Variants in ATCAY observed in about 807,000 individuals in gnomAD.
ATCAY encodes caytaxin.
Under a neutral mutation model 47.7 loss-of-function variants are expected in ATCAY, and 22 were observed. The observed-to-expected ratio is 0.46, with a 90% CI of 0.33 to 0.66. The LOEUF (loss-of-function observed/expected upper bound fraction) is 0.66. Ranked by LOEUF, ATCAY falls within the 30% of genes least tolerant of loss-of-function variation. The pLI, the probability that ATCAY is intolerant of heterozygous loss-of-function variation, is 0.02. For missense variants in ATCAY, 452 were observed against 515.0 expected (o/e 0.88, Z 1.18); for synonymous variants, 216 against 207.6 (o/e 1.04, Z -0.35).
At chr19:3,921,429 C>G (rs925618687) in intron 12 of ATCAY, among the ~76,000 whole-genome samples, 3 of 148,476 alleles carry the variant, frequency 2.0e-5, no homozygotes, top group African/African-American at 7.5e-5. Context: ...GACTTTGTCT[C>G]AAAAAAAGAA....
At chr19:3,886,368 G>T (rs184507519) in intron 2 of ATCAY, among the ~76,000 whole-genome samples, 1 of 152,052 alleles carries the variant, frequency 6.6e-6, no homozygotes, top group Non-Finnish European at 1.5e-5. Flanking sequence ...CGAGGCGGGC[G>T]GATCATGAGG....
At position 3,888,601 on chromosome 19, in the gene ATCAY, G is replaced by T. The variant is rs546286151; in HGVS notation, c.77+2757G>T. Among the ~76,000 whole-genome samples the T allele has an allele frequency of 3.3e-5, 5 of 152,234 alleles. 1 individual carries two copies. In the South Asian group the frequency reaches 1.0e-3, roughly 32 times the overall value. ...GCCGAGATCGCGCCACTGGACTCCA[G>T]CCCGGGCAGTAGAGTGAGTGAGAGT... On this transcript the variant is annotated intron_variant, in intron 2 of 12. Transcript: ENST00000450849.
At position 3,918,865 on chromosome 19, in the gene ATCAY, C is replaced by G; in HGVS notation, c.1061C>G (p.Pro354Arg). Residue 354 changes from proline to arginine, a missense_variant, in exon 11 of 13, where the codon CCA (proline) becomes CGA (arginine). Pro to Arg is a moderately radical substitution (Grantham distance 103). Coordinates refer to ENST00000450849, the MANE Select transcript of ATCAY (RefSeq NM_033064.5). ...PRSEEKPEVA[P>R]VENRSALVSE... is the part of the protein sequence containing the mutation. Reference sequence around the variant, plus strand: ...TCTGAAGAGAAGCCAGAGGTGGCACCAGTGGAAAACAGGTAGGTGTGCAGG... The same window carrying G: ...TCTGAAGAGAAGCCAGAGGTGGCACGAGTGGAAAACAGGTAGGTGTGCAGG... The G allele has an allele frequency of 6.2e-7, 1 of 1,614,006 alleles. No homozygotes were observed. The highest frequency in any genetic ancestry group is 8.5e-7 in the Non-Finnish European group (1 of 1,179,888).
Position 3,908,384 on chromosome 19 carries a change from C to T in ATCAY, c.647+14C>T, listed in dbSNP as rs755568668. 5.5e-5 allele frequency: 87 copies of T among 1,569,964 alleles called. No individual in the cohort carries two copies. Among genetic ancestry groups the T allele is most frequent in the Non-Finnish European group, 6.3e-5 (73 of 1,156,618 alleles). ...GAACCTCTTCCTGTGAGTCCCCGCC[C>T]GCGGCGAGCAGCCTCGGGCCAGCTC... On this transcript the variant is annotated intron_variant, in intron 6 of 12. Transcript: ENST00000450849.
chr19:3,885,676 T>C, intron 1 of ATCAY, 51 bp from the exon 2 acceptor site: 1 of 1,082,142 alleles, frequency 9.2e-7, no homozygotes, highest in Non-Finnish European at 1.4e-6. Context: ...TAGACGATTG[T>C]CATTAGGACT....
chr19:3,883,572 G>A (rs1265458091), intron 1 of ATCAY, among the ~76,000 whole-genome samples: 2 of 152,168 alleles, frequency 1.3e-5, no homozygotes, highest in Admixed American at 1.3e-4. Flanking sequence ...CTTGGTCATG[G>A]GCGGCCATCC....
intron 6 of ATCAY, 138 bp from the exon 7 acceptor site, chr19:3,909,348 A>G: frequency 5.2e-6 from 5 of 959,980 alleles, no homozygotes; most frequent in South Asian, 1.6e-5. Context: ...GCAGTCCGCC[A>G]GGACAGCAGA....
intron 1 of ATCAY, among the ~76,000 whole-genome samples, chr19:3,881,252 A>T (rs1011516574): frequency 3.3e-5 from 5 of 151,596 alleles, no homozygotes; most frequent in African/African-American, 1.2e-4. Flanking sequence ...TAAGTGCACC[A>T]TTTTCAGGAC....
intron 12 of ATCAY, among the ~76,000 whole-genome samples, chr19:3,922,006 G>C (rs996735716): frequency 6.6e-6 from 1 of 152,182 alleles, no homozygotes; most frequent in Admixed American, 6.6e-5. Context: ...CAGTGGGGTT[G>C]TGTGGACAGC....
intron 12 of ATCAY, among the ~76,000 whole-genome samples, chr19:3,923,657 A>G (rs2039039413): frequency 1.3e-5 from 2 of 148,760 alleles, no homozygotes; most frequent in African/African-American, 2.5e-5. Flanking sequence ...TGATGGAGAG[A>G]TGGATGGGTA....
rs2039077650 is a variant in ATCAY, at chr19:3,927,496, G to A, written c.*2904G>A. ...ACCTAATAATTGAGTGTCTACAGCA[G>A]CAATCAAGTGACAAGTGAGGCCCTA... On this transcript the variant is annotated 3_prime_UTR_variant, in exon 13 of 13. Transcript: ENST00000450849. 1 of 152,248 alleles carries A rather than the reference G, an allele frequency of 6.6e-6. No individual in the cohort carries two copies. Among genetic ancestry groups the A allele is most frequent in the Non-Finnish European group, 1.5e-5 (1 of 68,070 alleles). 9.4% of individuals were successfully genotyped at this position (152,248 alleles called of 1,614,324 possible).
intron 2 of ATCAY, among the ~76,000 whole-genome samples, chr19:3,887,542 A>G (rs925655675): frequency 6.6e-6 from 1 of 150,802 alleles, no homozygotes; most frequent in African/African-American, 2.4e-5. Context: ...GCTGGAGTGC[A>G]GTGGCGCGAT....
Position 3,924,745 on chromosome 19 carries a change from A to C in ATCAY, c.*153A>C. The C allele has an allele frequency of 1.4e-6, 1 of 738,496 alleles. No individual in the cohort carries two copies. The allele number at this position is 738,496 out of a possible 1,614,324, so 45.7% of individuals were successfully genotyped here. A position where few individuals can be genotyped will look rare whatever the true frequency, so the allele number is the denominator to read the frequency against. Reference sequence around the variant, plus strand: ...CCTCCGTTCATCTCTGAAACCCAGCATCCTTTTCAGCTGCTTGAAAACATT... The same window carrying C: ...CCTCCGTTCATCTCTGAAACCCAGCCTCCTTTTCAGCTGCTTGAAAACATT... On this transcript the variant is annotated 3_prime_UTR_variant, in exon 13 of 13. Coordinates refer to ENST00000450849, the MANE Select transcript of ATCAY (RefSeq NM_033064.5).
intron 10 of ATCAY, among the ~76,000 whole-genome samples, 167 bp from the exon 11 acceptor site, chr19:3,918,639 C>G (rs1046579809): frequency 1.3e-5 from 2 of 152,164 alleles, no homozygotes. Flanking sequence ...AAGACAGAGT[C>G]TTGGTCCCAG....
chr19:3,888,319 T>G (rs1453319525), intron 2 of ATCAY, among the ~76,000 whole-genome samples: 1 of 151,946 alleles, frequency 6.6e-6, no homozygotes. Flanking sequence ...GTGTTCCGCC[T>G]GAAAAAGAGA....
At chr19:3,914,196 A>T (rs1672635815) in intron 9 of ATCAY, among the ~76,000 whole-genome samples, 1 of 129,640 alleles carries the variant, frequency 7.7e-6, no homozygotes, top group Non-Finnish European at 1.5e-5. Context: ...AGATCGCGCC[A>T]CTGCACTCCA....
rs2038851982 is a variant in ATCAY at position 3,905,501 on chromosome 19, C to A, written c.204C>A (p.Ile68=). Residue 68 remains isoleucine, a synonymous_variant, in exon 4 of 13, where the codon ATC becomes ATA. Transcript: ENST00000450849. Reference sequence around the variant, plus strand: ...GGAAGACGCTGGTGGCCCCAGAGATCAACATTTCTCTGGATCAGAGTGAGG... The same window carrying A: ...GGAAGACGCTGGTGGCCCCAGAGATAAACATTTCTCTGGATCAGAGTGAGG... The part of the protein sequence containing the change: ...RKRKTLVAPE[I]NISLDQSEGS... 22 of 1,613,980 alleles carry A rather than the reference C, an allele frequency of 1.4e-5. No individual in the cohort carries two copies. The highest frequency in any genetic ancestry group is 1.9e-5 in the Non-Finnish European group (22 of 1,179,878).
chr19:3,904,166 A>C (rs1201922166), intron 3 of ATCAY, among the ~76,000 whole-genome samples: 3 of 151,796 alleles, frequency 2.0e-5, no homozygotes, highest in Admixed American at 1.3e-4. Context: ...AAAACAAAAC[A>C]AAAAAAGATT....
intron 8 of ATCAY, among the ~76,000 whole-genome samples, chr19:3,912,913 T>G (rs1156703397): frequency 6.8e-6 from 1 of 146,100 alleles, no homozygotes; most frequent in East Asian, 2.1e-4. Context: ...GAAGTGCTGG[T>G]GATGAAACAC....
Sources: allele counts gnomAD v4.1 joint callset (sites outside exome capture counted in the v4.1 genomes callset), GRCh38; gene constraint gnomAD v4.1.1; transcripts MANE v1.5; gene names NCBI Gene and HGNC (gene_info 2026-07-23, HGNC 2026-07-21).